Variants in CHL1 observed in about 807,000 individuals in gnomAD.
CHL1 encodes cell adhesion molecule L1 like.
A neutral mutation model predicts 141.9 loss-of-function variants in CHL1; 96 were observed. The observed-to-expected ratio is 0.68, with a 90% confidence interval of 0.57 to 0.80. CHL1 has a LOEUF of 0.80. Among genes scored for constraint, CHL1 ranks in the 30% least tolerant of loss-of-function variants. The pLI is 0.00. For missense variants in CHL1, 1,820 were observed against 1,457.2 expected (o/e 1.25, Z -4.05); for synonymous variants, 613 against 502.2 (o/e 1.22, Z -2.95).
In CHL1 at chr3:279,027, C is replaced by T. The variant is rs115784750; in HGVS notation, c.-95+34335C>T. 9.0e-3 allele frequency among the ~76,000 whole-genome samples: 1,374 copies of T among 152,112 alleles called. 20 individuals are homozygous for T. The highest frequency in any genetic ancestry group is 0.031 in the African/African-American group (1,299 of 41,498). ...TCAGATCTTAGTATTCTAATGGGGA[C>T]GCACGAAAAAGGGACCCACAGAAAA... On this transcript the variant is annotated intron_variant, in intron 2 of 27. Coordinates refer to ENST00000256509, the MANE Select transcript of CHL1 (RefSeq NM_006614.4).
chr3:382,690 C>T lies in CHL1; in HGVS notation c.2176+19C>T. 1.9e-6 allele frequency: 3 copies of T among 1,604,234 alleles called. No individual in the cohort carries two copies. The highest frequency in any genetic ancestry group is 1.7e-4 in the Middle Eastern group (1 of 6,030). ...CCAGCAGGTATGCAGGTTCTCACAT[C>T]AGGTTTCTAACAAAATATTTGTTTG... On this transcript the variant is annotated intron_variant, in intron 18 of 27. Coordinates refer to ENST00000256509, the MANE Select transcript of CHL1 (RefSeq NM_006614.4).
chr3:361,843 A>C (rs1306212902), intron 13 of CHL1, 33 bp downstream of exon 13: 1 of 1,362,922 alleles, frequency 7.3e-7, no homozygotes, highest in African/African-American at 1.4e-5. Flanking sequence ...TCTTAAGAGA[A>C]TGTCAATTGT....
At chr3:354,312 C>T (rs1195725552) in intron 10 of CHL1, among the ~76,000 whole-genome samples, 1 of 152,012 alleles carries the variant, frequency 6.6e-6, no homozygotes, top group Non-Finnish European at 1.5e-5. Flanking sequence ...TCACCATCTG[C>T]TTATTCTTCC....
chr3:312,046 G>A (rs1699792631), intron 2 of CHL1, among the ~76,000 whole-genome samples: 1 of 152,040 alleles, frequency 6.6e-6, no homozygotes, highest in Admixed American at 6.6e-5. Flanking sequence ...ACAAAAACAT[G>A]TATATACATA....
Position 405,726 on chromosome 3 carries a change from A to G in CHL1, c.*15A>G, listed in dbSNP as rs199780149. 1.3e-5 allele frequency: 20 copies of G among 1,588,118 alleles called. No homozygotes were observed. Among genetic ancestry groups the G allele is most frequent in the Admixed American group, 1.7e-5 (1 of 59,890 alleles). ...TTCGGGCATAAACACAACATATGTA[A>G]GCAACGCTACTGGTTCACCCCAACC... On this transcript the variant is annotated 3_prime_UTR_variant, in exon 28 of 28. Transcript: ENST00000256509.
intron 1 of CHL1, among the ~76,000 whole-genome samples, chr3:231,331 A>T (rs952940840): frequency 1.2e-4 from 19 of 152,012 alleles, no homozygotes; most frequent in African/African-American, 3.9e-4. Flanking sequence ...CGTTAACACC[A>T]CCACCCTCAT....
At chr3:339,969 C>A (rs974701289) in intron 5 of CHL1, among the ~76,000 whole-genome samples, 1 of 152,130 alleles carries the variant, frequency 6.6e-6, no homozygotes, top group African/African-American at 2.4e-5. Context: ...CAAATTCCCC[C>A]ACCAAAAGTT....
chr3:197,631 G>GGT (rs1553564107), intron 1 of CHL1: 1 of 257,514 alleles, frequency 3.9e-6, no homozygotes, highest in Non-Finnish European at 7.5e-6. Context: ...ATCCCAGCCC[G>GGT]GGGGGGGTTC....
intron 3 of CHL1, 23 bp from the exon 4 acceptor site, chr3:325,936 T>A: frequency 6.5e-7 from 1 of 1,535,938 alleles, no homozygotes; most frequent in East Asian, 2.3e-5. Context: ...AGTGTGTTTT[T>A]AAGTACATAT....
At chr3:206,116 T>C (rs1268063169) in intron 1 of CHL1, among the ~76,000 whole-genome samples, 2 of 152,210 alleles carry the variant, frequency 1.3e-5, no homozygotes, top group East Asian at 3.8e-4. Flanking sequence ...AAAGGAATCC[T>C]ACTGAGGTAT....
At chr3:391,237 A>G (rs1708203886) in intron 22 of CHL1, 78 bp downstream of exon 22, 2 of 1,162,394 alleles carry the variant, frequency 1.7e-6, no homozygotes, top group Admixed American at 3.6e-5. Flanking sequence ...CCTTATGGCC[A>G]GGCACAGTGG....
intron 18 of CHL1, 46 bp from the exon 19 acceptor site, chr3:383,770 C>T (rs1381827353): frequency 1.4e-6 from 2 of 1,409,694 alleles, no homozygotes; most frequent in Non-Finnish European, 2.0e-6. Context: ...GATGACTTAC[C>T]TATGGGTTAA....
chr3:252,945 A>G (rs111414469), intron 2 of CHL1, among the ~76,000 whole-genome samples: 7 of 152,048 alleles, frequency 4.6e-5, no homozygotes, highest in Non-Finnish European at 8.8e-5. Flanking sequence ...AGTTACTGTA[A>G]TGTAACTATA....
At position 366,222 on chromosome 3, in the gene CHL1, G is replaced by C. The variant is rs2125294812; in HGVS notation, c.1751+107G>C. 6 of 1,083,562 alleles carry C rather than the reference G, an allele frequency of 5.5e-6. No individual in the cohort carries two copies. In the South Asian group the frequency reaches 5.6e-5, roughly 10 times the overall value. The allele number at this position is 1,083,562 out of a possible 1,614,324, so 67.1% of individuals were successfully genotyped here. ...ATGCTGACTCACGCTTGTAATCCCA[G>C]CACTTTGGGAGACCGAGGCGAGTGG... On this transcript the variant is annotated intron_variant, in intron 15 of 27. Transcript: ENST00000256509.
At chr3:295,513 G>C (rs889439560) in intron 2 of CHL1, among the ~76,000 whole-genome samples, 1 of 152,074 alleles carries the variant, frequency 6.6e-6, no homozygotes, top group African/African-American at 2.4e-5. Flanking sequence ...TTAAGAAAGA[G>C]GTCATGGATG....
At position 358,995 on chromosome 3, in the gene CHL1, C is replaced by T. The variant is rs112621534; in HGVS notation, c.1166-1289C>T. Among the ~76,000 whole-genome samples, 55 of 145,562 alleles carry T rather than the reference C, an allele frequency of 3.8e-4. 1 individual carries two copies. The South Asian group carries it at 6.0e-3, about 16-fold the overall frequency. ...ATGTTATATATATATATATTATATA[C>T]GGATATTATATATAATATAATAATA... On this transcript the variant is annotated intron_variant, in intron 11 of 27. Transcript: ENST00000256509.
chr3:382,744 A>G, intron 18 of CHL1, 73 bp downstream of exon 18: 1 of 1,253,030 alleles, frequency 8.0e-7, no homozygotes, highest in Non-Finnish European at 1.2e-6. Context: ...TAAAAAAAAA[A>G]GATTGATAGA....
chr3:221,260 A>G (rs894788934), intron 1 of CHL1, among the ~76,000 whole-genome samples: 13 of 152,222 alleles, frequency 8.5e-5, no homozygotes, highest in Admixed American at 2.6e-4. Context: ...GGCCATGGTC[A>G]CTCGTGTGGC....
intron 23 of CHL1, among the ~76,000 whole-genome samples, chr3:392,960 A>ATCGGGTATAC (rs5845969): frequency 1.3e-5 from 2 of 151,860 alleles, no homozygotes; most frequent in East Asian, 3.9e-4. Context: ...ATTGATGTAC[A>ATCGGGTATAC]TCAGAGTCAA....
Sources: gnomAD v4.1 joint callset for allele counts (sites outside exome capture counted in the v4.1 genomes callset) on GRCh38, gnomAD v4.1.1 for gene constraint, MANE v1.5 for transcripts, NCBI Gene and HGNC (gene_info 2026-07-23, HGNC 2026-07-21) for gene names.